The following GRM8 variants were observed in gnomAD, a reference collection of about 807,000 sequenced individuals.
The protein encoded by GRM8 is glutamate metabotropic receptor 8.
A neutral mutation model predicts 87.2 loss-of-function variants in GRM8; 47 were observed. That is an observed-to-expected ratio of 0.54 (90% CI 0.43 to 0.69). The LOEUF (loss-of-function observed/expected upper bound fraction) is 0.69. GRM8 is among the 30% of genes least tolerant of loss of function. GRM8 has a pLI of 0.00. For missense variants in GRM8, 1,019 were observed against 1,139.2 expected, an observed-to-expected ratio of 0.89 and a Z score of 1.52; for synonymous variants, 396 against 404.5, an observed-to-expected ratio of 0.98 and a Z score of 0.25.
At chr7:126,865,587 C>T (rs1798524920) in intron 6 of GRM8, among the ~76,000 whole-genome samples, 1 of 152,136 alleles carries the variant, frequency 6.6e-6, no homozygotes, top group African/African-American at 2.4e-5. Context: ...ATCCTGTTCC[C>T]GTCCCTTCAC....
chr7:126,448,405 C>T (rs1369650261), intron 9 of GRM8, among the ~76,000 whole-genome samples: 1 of 151,868 alleles, frequency 6.6e-6, no homozygotes, highest in Non-Finnish European at 1.5e-5. Context: ...AATAAACATC[C>T]TATACATTTT....
At chr7:126,894,437 T>C (rs193299107) in intron 6 of GRM8, among the ~76,000 whole-genome samples, 364 of 152,154 alleles carry the variant, frequency 2.4e-3, no homozygotes, top group African/African-American at 8.6e-3. Context: ...GCTTCTGTTG[T>C]GGGTTTTGCA....
At chr7:127,222,090 A>C (rs540309119) in intron 2 of GRM8, among the ~76,000 whole-genome samples, 1 of 152,354 alleles carries the variant, frequency 6.6e-6, no homozygotes, top group Non-Finnish European at 1.5e-5. Flanking sequence ...TCTCTTAAAC[A>C]GAGAATGAGG....
At chr7:127,196,780 C>T (rs1795299883) in intron 2 of GRM8, among the ~76,000 whole-genome samples, 1 of 152,202 alleles carries the variant, frequency 6.6e-6, no homozygotes, top group African/African-American at 2.4e-5. Flanking sequence ...AGTCACTTAA[C>T]TTCTCTGTGC....
intron 3 of GRM8, among the ~76,000 whole-genome samples, chr7:127,030,522 ACT>A (rs199918211): frequency 1.7e-3 from 266 of 152,180 alleles, no homozygotes; most frequent in African/African-American, 6.0e-3. Context: ...GTATCAGTTT[ACT>A]CTCTGTTTAT....
chr7:126,895,888 A>C (rs1370294940), intron 6 of GRM8, among the ~76,000 whole-genome samples: 1 of 151,152 alleles, frequency 6.6e-6, no homozygotes, highest in Non-Finnish European at 1.5e-5. Context: ...GCTTCACTTT[A>C]TAGTTGGTGA....
chr7:126,980,817 T>C (rs1316800723), intron 3 of GRM8: 2 of 152,130 alleles, frequency 1.3e-5, no homozygotes, highest in African/African-American at 2.4e-5. Context: ...CCCCAAAAGG[T>C]TTATTGTCTC....
At chr7:126,656,616 C>T (rs1199038359) in intron 7 of GRM8, among the ~76,000 whole-genome samples, 7 of 151,984 alleles carry the variant, frequency 4.6e-5, no homozygotes, top group African/African-American at 4.8e-5. Flanking sequence ...TGCAGTGAGC[C>T]GAGATTGTGC....
Position 126,685,322 on chromosome 7 carries a change from G to A in GRM8, c.1358-75824C>T, listed in dbSNP as rs537052764. Among the ~76,000 whole-genome samples, 20 of 152,278 alleles carry A rather than the reference G, an allele frequency of 1.3e-4. No individual in the cohort carries two copies. The highest frequency in any genetic ancestry group is 3.8e-4 in the African/African-American group (16 of 41,570). ...GGTGACCAGAGAGGGGACTCGAGGC[G>A]GAGCCGGGCCTGGGGTGGTACCATG... On this transcript the variant is annotated intron_variant, in intron 7 of 10. Transcript: ENST00000339582. This position sits in a 1 kb window ranked among gnomAD's most constrained non-coding sequence, Gnocchi z 4.2.
At chr7:126,824,396 T>C (rs1412224477) in intron 6 of GRM8, among the ~76,000 whole-genome samples, 2 of 152,218 alleles carry the variant, frequency 1.3e-5, no homozygotes, top group African/African-American at 4.8e-5. Context: ...AAATAAAATG[T>C]ACTGTGCTTT....
At chr7:126,988,064 G>T (rs757803160) in intron 3 of GRM8, among the ~76,000 whole-genome samples, 5 of 137,796 alleles carry the variant, frequency 3.6e-5, no homozygotes, top group Non-Finnish European at 6.5e-5. Flanking sequence ...AGACACTAAA[G>T]CTCTTCGTTT....
intron 7 of GRM8, among the ~76,000 whole-genome samples, chr7:126,714,986 T>C (rs1237047654): frequency 3.3e-5 from 5 of 152,290 alleles, no homozygotes; most frequent in African/African-American, 1.2e-4. Context: ...GAAACTTCTA[T>C]CTGAAATGGT....
At chr7:126,942,816 G>C (rs1289327201) in intron 3 of GRM8, among the ~76,000 whole-genome samples, 1 of 152,152 alleles carries the variant, frequency 6.6e-6, no homozygotes, top group East Asian at 1.9e-4. Context: ...ACTTCCACCA[G>C]TAGCACAGAC....
At chr7:126,460,395 C>A (rs1427423713) in intron 9 of GRM8, among the ~76,000 whole-genome samples, 1 of 151,560 alleles carries the variant, frequency 6.6e-6, no homozygotes, top group Non-Finnish European at 1.5e-5. Flanking sequence ...GTAATGACAG[C>A]TTTCAGGAAA....
chr7:127,053,805 G>A (rs1819718869), intron 3 of GRM8, among the ~76,000 whole-genome samples: 1 of 133,720 alleles, frequency 7.5e-6, no homozygotes, highest in South Asian at 2.7e-4. Context: ...AAAAGGGGGG[G>A]GGGAATATAC....
chr7:126,455,217 G>A (rs895869718), intron 9 of GRM8, among the ~76,000 whole-genome samples: 9 of 151,634 alleles, frequency 5.9e-5, no homozygotes, highest in African/African-American at 2.2e-4. Context: ...CAGTCACGAA[G>A]AAGTCATTTT....
intron 6 of GRM8, among the ~76,000 whole-genome samples, chr7:126,848,306 C>T (rs1000392982): frequency 1.3e-5 from 2 of 152,048 alleles, no homozygotes; most frequent in African/African-American, 4.8e-5. Flanking sequence ...AGACCACATA[C>T]GACTATTGTG....
At chr7:126,545,188 G>T (rs574645789) in intron 8 of GRM8, among the ~76,000 whole-genome samples, 4 of 152,186 alleles carry the variant, frequency 2.6e-5, no homozygotes, top group Non-Finnish European at 4.4e-5. Flanking sequence ...TATTGTGGAT[G>T]CGGTGGTTTA....
intron 8 of GRM8, among the ~76,000 whole-genome samples, chr7:126,561,641 T>C (rs1161857195): frequency 6.6e-6 from 1 of 151,848 alleles, no homozygotes; most frequent in Non-Finnish European, 1.5e-5. Context: ...TAATTATTAT[T>C]ATACTTTAAG....
Sources: allele counts gnomAD v4.1 joint callset (sites outside exome capture counted in the v4.1 genomes callset), GRCh38; gene constraint gnomAD v4.1.1; non-coding constraint Gnocchi (gnomAD v3.1); transcripts MANE v1.5; gene names NCBI Gene and HGNC (gene_info 2026-07-23, HGNC 2026-07-21).